NRXN1: variants seen among roughly 807,000 people sequenced by gnomAD.
NRXN1 encodes the protein neurexin-1.
NRXN1 carries 39 observed loss-of-function variants against 150.9 expected under a neutral mutation model. That is an observed-to-expected ratio of 0.26 (90% CI 0.20 to 0.34). The LOEUF is 0.34. NRXN1 is among the 10% of genes least tolerant of loss of function. The pLI is 1.00. For synonymous variants in NRXN1, 924 were observed against 757.0 expected (o/e 1.22, Z -3.62); for missense variants, 1,815 against 1,949.9 (o/e 0.93, Z 1.30).
chr2:50,644,234 C>T (rs1272096254), intron 5 of NRXN1, among the ~76,000 whole-genome samples: 2 of 151,490 alleles, frequency 1.3e-5, no homozygotes, highest in African/African-American at 4.8e-5. Context: ...TAGTCAATAA[C>T]TTTTGCCTTC....
intron 17 of NRXN1, among the ~76,000 whole-genome samples, chr2:50,358,883 G>A (rs1242252302): frequency 2.0e-5 from 3 of 152,246 alleles, no homozygotes; most frequent in African/African-American, 7.2e-5. Context: ...TCCAGAGGTG[G>A]AAGCAAGCAG....
intron 8 of NRXN1, among the ~76,000 whole-genome samples, chr2:50,596,863 CTTTTT>C (rs3053104): frequency 4.3e-5 from 4 of 92,174 alleles, no homozygotes; most frequent in South Asian, 4.5e-4. Flanking sequence ...ATTCCTAGGA[CTTTTT>C]TTTTTTTTTT....
At position 51,028,276 on chromosome 2, in the gene NRXN1, TC is replaced by T; in HGVS notation, c.-4del. The T allele has an allele frequency of 6.9e-7, 1 of 1,439,904 alleles. No individual in the cohort carries two copies. Among genetic ancestry groups the T allele is most frequent in the Non-Finnish European group, 9.1e-7 (1 of 1,101,874 alleles). 89.2% of individuals were successfully genotyped at this position (1,439,904 alleles called of 1,614,324 possible). ...CGCTGGAGCAGCGCCGTCCCCATGC[TC>T]GGGGCTGGGGTGCGGCGGGGGGGTG... is the stretch of plus-strand genomic sequence containing the variant. On this transcript the variant is annotated 5_prime_UTR_variant, in exon 2 of 23. Coordinates refer to ENST00000401669, the MANE Select transcript of NRXN1 (RefSeq NM_001330078.2).
At chr2:50,670,357 T>C (rs1688664321) in intron 5 of NRXN1, among the ~76,000 whole-genome samples, 1 of 151,848 alleles carries the variant, frequency 6.6e-6, no homozygotes, top group Non-Finnish European at 1.5e-5. Flanking sequence ...TATTTATTTT[T>C]ATTATTTTGC....
intron 5 of NRXN1, among the ~76,000 whole-genome samples, chr2:50,661,157 C>T (rs1687245086): frequency 6.6e-6 from 1 of 151,972 alleles, no homozygotes; most frequent in South Asian, 2.1e-4. Context: ...TCAGAGACCT[C>T]CAGGTGACTG....
chr2:50,909,226 A>AG (rs1337882659), intron 5 of NRXN1, among the ~76,000 whole-genome samples: 7 of 152,006 alleles, frequency 4.6e-5, no homozygotes, highest in Admixed American at 4.6e-4. Context: ...ATTAAAATAA[A>AG]GAAAAACTTT....
chr2:50,445,828 G>A (rs1315365324), intron 17 of NRXN1, among the ~76,000 whole-genome samples: 1 of 152,132 alleles, frequency 6.6e-6, no homozygotes. Context: ...ATTGGAAAGA[G>A]GAGATTTTCT....
chr2:50,524,119 C>T (rs1317578565), intron 12 of NRXN1, among the ~76,000 whole-genome samples: 1 of 152,124 alleles, frequency 6.6e-6, no homozygotes, highest in Non-Finnish European at 1.5e-5. Flanking sequence ...AAGAAAGCCA[C>T]ATAATGCAAA....
At chr2:50,158,108 T>TGTGTGTG (rs1558995599) in intron 18 of NRXN1, among the ~76,000 whole-genome samples, 3 of 119,056 alleles carry the variant, frequency 2.5e-5, no homozygotes, top group South Asian at 2.7e-4. Context: ...TGTGTGTGTG[T>TGTGTGTG]AGGGGGAGTC....
At chr2:50,466,770 TG>T (rs2088915900) in intron 16 of NRXN1, among the ~76,000 whole-genome samples, 2 of 151,822 alleles carry the variant, frequency 1.3e-5, no homozygotes, top group African/African-American at 4.8e-5. Context: ...AAAGGGCCTT[TG>T]TATGTTTCCT....
chr2:50,891,758 C>G (rs912757874), intron 5 of NRXN1, among the ~76,000 whole-genome samples: 2 of 152,026 alleles, frequency 1.3e-5, no homozygotes, highest in African/African-American at 4.8e-5. Context: ...GTACCATAAG[C>G]CTGGATCAGG....
intron 5 of NRXN1, among the ~76,000 whole-genome samples, chr2:50,897,183 C>T (rs975127773): frequency 6.6e-6 from 1 of 152,202 alleles, no homozygotes; most frequent in African/African-American, 2.4e-5. Context: ...TGCTTAATCT[C>T]TGTGCTTCAC....
intron 15 of NRXN1, among the ~76,000 whole-genome samples, chr2:50,492,586 T>C (rs1213031723): frequency 1.3e-5 from 2 of 152,166 alleles, no homozygotes; most frequent in Admixed American, 6.5e-5. Context: ...AAATTCTACT[T>C]CCCCTTGCAA....
chr2:50,713,102 C>T (rs1402401142), intron 5 of NRXN1, among the ~76,000 whole-genome samples: 1 of 151,990 alleles, frequency 6.6e-6, no homozygotes, highest in African/African-American at 2.4e-5. Flanking sequence ...CACTTGAGGC[C>T]AGGATTTTGA....
chr2:51,023,412 T>C (rs1174243364), intron 2 of NRXN1, among the ~76,000 whole-genome samples: 6 of 152,234 alleles, frequency 3.9e-5, no homozygotes. Flanking sequence ...ATTCTCTCAG[T>C]GGCACATGCT....
intron 5 of NRXN1, among the ~76,000 whole-genome samples, chr2:50,797,823 G>A (rs1162191730): frequency 6.6e-6 from 1 of 152,122 alleles, no homozygotes; most frequent in Non-Finnish European, 1.5e-5. Context: ...AATATATTTT[G>A]ACCAGAAGCT....
intron 18 of NRXN1, among the ~76,000 whole-genome samples, chr2:50,109,275 C>T (rs1270096709): frequency 1.3e-5 from 2 of 152,146 alleles, no homozygotes; most frequent in African/African-American, 2.4e-5. Flanking sequence ...ACTCCTCTCT[C>T]TTGCTTTACT....
intron 17 of NRXN1, among the ~76,000 whole-genome samples, chr2:50,265,765 A>G (rs2068765535): frequency 6.6e-6 from 1 of 152,048 alleles, no homozygotes; most frequent in African/African-American, 2.4e-5. Flanking sequence ...CCTCCTCACC[A>G]CACTCATTCA....
chr2:50,764,760 T>A (rs1702201536), intron 5 of NRXN1, among the ~76,000 whole-genome samples: 1 of 151,942 alleles, frequency 6.6e-6, no homozygotes, highest in African/African-American at 2.4e-5. Flanking sequence ...TGAGTGAGGA[T>A]CATGAATGTG....
Sources: gnomAD v4.1 joint callset for allele counts (sites outside exome capture counted in the v4.1 genomes callset) on GRCh38, gnomAD v4.1.1 for gene constraint, MANE v1.5 for transcripts, NCBI Gene and HGNC (gene_info 2026-07-23, HGNC 2026-07-21) for gene names.